PRKCE: variants seen among roughly 807,000 people sequenced by gnomAD.
PRKCE encodes protein kinase C epsilon type.
PRKCE carries 16 observed loss-of-function variants against 85.4 expected under a neutral mutation model. That is an observed-to-expected ratio of 0.19 (90% CI 0.13 to 0.28). The LOEUF (loss-of-function observed/expected upper bound fraction) is 0.28, where lower values mean the gene tolerates loss of function less well. PRKCE is among the 10% of genes least tolerant of loss of function. The pLI, the probability that PRKCE is intolerant of heterozygous loss-of-function variation, is 1.00. For missense variants in PRKCE, 573 were observed against 975.2 expected (o/e 0.59, Z 5.49); for synonymous variants, 388 against 371.5 (o/e 1.04, Z -0.51).
rs35838849 is a variant in PRKCE, at chr2:45,833,138, CAA to C, written c.349-9848_349-9847del. ...TTCAAGACCAGCCTGGGCAACATGGCAAAAAAAAAAAAAAAGAAAAGAAAAGA... is the reference window on the plus strand; with the variant it reads ...TTCAAGACCAGCCTGGGCAACATGGCAAAAAAAAAAAAAGAAAAGAAAAGA... On this transcript the variant is annotated intron_variant, in intron 1 of 14. Transcript: ENST00000306156. Among the ~76,000 whole-genome samples the C allele has an allele frequency of 8.8e-3, 1,056 of 120,152 alleles. 9 individuals carry two copies. The highest frequency in any genetic ancestry group is 0.028 in the African/African-American group (902 of 31,802). 78.8% of individuals were successfully genotyped at this position (120,152 alleles called of 152,430 possible). A position where few individuals can be genotyped will look rare whatever the true frequency, so the allele number is the denominator to read the frequency against.
At chr2:45,922,388 G>A (rs1698313446) in intron 2 of PRKCE, among the ~76,000 whole-genome samples, 1 of 152,160 alleles carries the variant, frequency 6.6e-6, no homozygotes, top group Non-Finnish European at 1.5e-5. Context: ...CCAAAGTCAA[G>A]CCCCCTTATA....
At chr2:45,940,981 G>A (rs571687533) in intron 2 of PRKCE, among the ~76,000 whole-genome samples, 29 of 147,444 alleles carry the variant, frequency 2.0e-4, no homozygotes, top group Non-Finnish European at 2.5e-4. Context: ...CAGGAGACTC[G>A]CTTGAGCCTG....
At chr2:45,983,035 A>G (rs1326481708) in intron 5 of PRKCE, among the ~76,000 whole-genome samples, 1 of 152,202 alleles carries the variant, frequency 6.6e-6, no homozygotes, top group Non-Finnish European at 1.5e-5. Flanking sequence ...CAACATGTCT[A>G]CATTCACAAA....
chr2:45,660,742 G>T (rs913024695), intron 1 of PRKCE, among the ~76,000 whole-genome samples: 1 of 152,136 alleles, frequency 6.6e-6, no homozygotes, highest in Non-Finnish European at 1.5e-5. Context: ...GTTCCTCTGG[G>T]TATATATGGG....
At chr2:46,043,492 C>T (rs1444097488) in intron 10 of PRKCE, among the ~76,000 whole-genome samples, 1 of 152,092 alleles carries the variant, frequency 6.6e-6, no homozygotes, top group Non-Finnish European at 1.5e-5. Context: ...CTTACAAGAG[C>T]AGTATTATAG....
At chr2:45,680,453 C>T (rs558179962) in intron 1 of PRKCE, among the ~76,000 whole-genome samples, 14 of 152,310 alleles carry the variant, frequency 9.2e-5, no homozygotes, top group Admixed American at 6.5e-4. Flanking sequence ...TTATTTTGGC[C>T]TTTTAGGCGC....
At chr2:46,148,150 C>T (rs993557077) in intron 12 of PRKCE, among the ~76,000 whole-genome samples, 1 of 152,216 alleles carries the variant, frequency 6.6e-6, no homozygotes, top group African/African-American at 2.4e-5. Flanking sequence ...TTTCCCACTC[C>T]CAGCCCCTGC....
intron 14 of PRKCE, chr2:46,166,729 A>G (rs1011872794): frequency 6.6e-6 from 1 of 152,208 alleles, no homozygotes; most frequent in African/African-American, 2.4e-5. Flanking sequence ...TGTGGTTCAT[A>G]CCTATAATTC....
intron 6 of PRKCE, among the ~76,000 whole-genome samples, chr2:45,988,721 C>T (rs891802207): frequency 2.6e-5 from 4 of 152,190 alleles, no homozygotes; most frequent in African/African-American, 9.7e-5. Flanking sequence ...ATTCGTGGGT[C>T]TGTCCGAGCC....
chr2:45,874,436 C>G (rs1694322827), intron 2 of PRKCE, among the ~76,000 whole-genome samples: 1 of 152,214 alleles, frequency 6.6e-6, no homozygotes, highest in East Asian at 1.9e-4. Context: ...GCTGCTGAGC[C>G]TGGAGTGAGC....
intron 12 of PRKCE, among the ~76,000 whole-genome samples, chr2:46,146,415 A>G (rs926611422): frequency 2.6e-5 from 4 of 152,280 alleles, no homozygotes; most frequent in Admixed American, 6.5e-5. Context: ...ACTTGTCCCT[A>G]TTCTAAAGAA....
chr2:46,157,784 A>G (rs1455471841), intron 13 of PRKCE, among the ~76,000 whole-genome samples: 1 of 152,238 alleles, frequency 6.6e-6, no homozygotes. Context: ...TGAGGAAGTG[A>G]GGAATCTACT....
chr2:45,763,062 C>T lies in PRKCE; in HGVS notation c.349-79938C>T, dbSNP rs560278767. Among the ~76,000 whole-genome samples, 14 of 152,180 alleles carry T rather than the reference C, an allele frequency of 9.2e-5. 1 individual carries two copies. In the East Asian group the frequency reaches 2.7e-3, roughly 29 times the overall value. Reference sequence around the variant, plus strand: ...CGCCTCCTGGGTTCACACCATTCTCCTGCCTCATCAGCCTCCTGAGTAGCT... The same window carrying T: ...CGCCTCCTGGGTTCACACCATTCTCTTGCCTCATCAGCCTCCTGAGTAGCT... On this transcript the variant is annotated intron_variant, in intron 1 of 14. Coordinates refer to ENST00000306156, the MANE Select transcript of PRKCE (RefSeq NM_005400.3).
At chr2:45,987,068 T>C (rs2104614314) in intron 6 of PRKCE, among the ~76,000 whole-genome samples, 1 of 151,926 alleles carries the variant, frequency 6.6e-6, no homozygotes, top group African/African-American at 2.4e-5. Context: ...TTGATCTATC[T>C]AGTGAACCTA....
At chr2:45,942,800 CAT>C (rs1303384720) in intron 2 of PRKCE, among the ~76,000 whole-genome samples, 1 of 152,166 alleles carries the variant, frequency 6.6e-6, no homozygotes, top group Non-Finnish European at 1.5e-5. Context: ...TTATAGTACA[CAT>C]GTAACTAAAT....
At chr2:45,827,305 A>G (rs985032220) in intron 1 of PRKCE, among the ~76,000 whole-genome samples, 3 of 152,264 alleles carry the variant, frequency 2.0e-5, no homozygotes, top group Non-Finnish European at 2.9e-5. Flanking sequence ...CCAAAATATC[A>G]TATGGAAATC....
chr2:45,693,801 G>T (rs182986359), intron 1 of PRKCE, among the ~76,000 whole-genome samples: 1 of 152,270 alleles, frequency 6.6e-6, no homozygotes, highest in Non-Finnish European at 1.5e-5. Flanking sequence ...GAAGAAGCAG[G>T]TTAAAGAGAA....
rs940282095 is a variant in PRKCE at position 46,076,699 on chromosome 2, C to CA, written c.1438-9501dup. ...CTGTGATTGAATTAAGGCTTTTCTC[C>CA]AAAAAAAAGGCATCTCCCCTTTTAC... On this transcript the variant is annotated intron_variant, in intron 10 of 14. Transcript: ENST00000306156. Among the ~76,000 whole-genome samples the CA allele has an allele frequency of 1.5e-4, 23 of 151,542 alleles. 1 individual carries two copies. Among genetic ancestry groups the CA allele is most frequent in the South Asian group, 1.0e-3 (5 of 4,788 alleles).
At chr2:45,666,932 A>T (rs540595683) in intron 1 of PRKCE, among the ~76,000 whole-genome samples, 8 of 152,134 alleles carry the variant, frequency 5.3e-5, no homozygotes, top group Admixed American at 5.2e-4. Context: ...CCTTGAACTC[A>T]TGGGGTCAAG....
Sources: gnomAD v4.1 joint callset for allele counts (sites outside exome capture counted in the v4.1 genomes callset) on GRCh38, gnomAD v4.1.1 for gene constraint, MANE v1.5 for transcripts, NCBI Gene and HGNC (gene_info 2026-07-23, HGNC 2026-07-21) for gene names.